Variants in LRP1B observed in about 807,000 individuals in gnomAD.
The protein encoded by LRP1B is low-density lipoprotein receptor-related protein 1B.
LRP1B carries 217 observed loss-of-function variants against 556.6 expected under a neutral mutation model. The ratio of observed to expected loss-of-function variants is 0.39; its 90% CI spans 0.35 to 0.44. LRP1B has a LOEUF of 0.44. Ranked by LOEUF, LRP1B falls within the 20% of genes least tolerant of loss-of-function variation. The pLI is 1.00. For synonymous variants in LRP1B, 2,047 were observed against 1,865.8 expected (o/e 1.10, Z -2.50); for missense variants, 5,053 against 5,620.8 (o/e 0.90, Z 3.23).
intron 3 of LRP1B, among the ~76,000 whole-genome samples, chr2:141,351,477 T>C (rs924661948): frequency 3.3e-5 from 5 of 152,022 alleles, no homozygotes; most frequent in Non-Finnish European, 7.4e-5. Flanking sequence ...ATACAAATAG[T>C]GATAGTATCC....
At chr2:140,901,614 A>AT in intron 23 of LRP1B, among the ~76,000 whole-genome samples, 1 of 152,268 alleles carries the variant, frequency 6.6e-6, no homozygotes, top group Non-Finnish European at 1.5e-5. Context: ...CAATTACATT[A>AT]TTTTTGACTA....
chr2:140,374,348 T>C (rs934517426), intron 68 of LRP1B, among the ~76,000 whole-genome samples: 1 of 152,194 alleles, frequency 6.6e-6, no homozygotes, highest in Non-Finnish European at 1.5e-5. Flanking sequence ...CACGTTGAAC[T>C]ACTACTTGCT....
intron 66 of LRP1B, among the ~76,000 whole-genome samples, chr2:140,408,342 TA>T (rs1558862099): frequency 1.3e-5 from 2 of 151,810 alleles, no homozygotes; most frequent in African/African-American, 4.8e-5. Context: ...AAAACTAATT[TA>T]AAAAAATTAA....
chr2:140,992,914 G>A (rs1697134578), intron 16 of LRP1B, among the ~76,000 whole-genome samples: 1 of 151,924 alleles, frequency 6.6e-6, no homozygotes, highest in African/African-American at 2.4e-5. Context: ...CCTGAATTTG[G>A]AAATCAAGAG....
chr2:141,334,234 A>T (rs1374981622), intron 3 of LRP1B, among the ~76,000 whole-genome samples: 1 of 152,128 alleles, frequency 6.6e-6, no homozygotes, highest in Non-Finnish European at 1.5e-5. Context: ...GCCTGTTGGG[A>T]AGTGACTGGA....
intron 20 of LRP1B, among the ~76,000 whole-genome samples, chr2:140,940,869 T>A (rs1465835432): frequency 6.6e-6 from 1 of 152,204 alleles, no homozygotes; most frequent in African/African-American, 2.4e-5. Context: ...ATGTTTGAAC[T>A]AATTTACATT....
chr2:140,276,925 A>G (rs1358178758), intron 84 of LRP1B, among the ~76,000 whole-genome samples: 3 of 151,906 alleles, frequency 2.0e-5, no homozygotes, highest in Non-Finnish European at 2.9e-5. Context: ...GAACTAGAAA[A>G]TGTAAGAAAT....
At chr2:141,125,852 A>AAC (rs1240646693) in intron 7 of LRP1B, among the ~76,000 whole-genome samples, 2 of 148,024 alleles carry the variant, frequency 1.4e-5, no homozygotes, top group South Asian at 4.2e-4. Flanking sequence ...TGCAAAAAAA[A>AAC]AAAAAAAAAC....
chr2:140,948,715 G>T (rs1035768310), intron 20 of LRP1B, among the ~76,000 whole-genome samples: 12 of 152,168 alleles, frequency 7.9e-5, no homozygotes, highest in Non-Finnish European at 1.8e-4. Flanking sequence ...ATCATGTCAA[G>T]ACCATCAACC....
At chr2:140,278,768 T>C (rs1682794218) in intron 84 of LRP1B, among the ~76,000 whole-genome samples, 1 of 152,012 alleles carries the variant, frequency 6.6e-6, no homozygotes, top group Admixed American at 6.6e-5. Flanking sequence ...CATTTTATGC[T>C]CTGAACCCTT....
At chr2:140,847,001 C>T (rs573276877) in intron 29 of LRP1B, among the ~76,000 whole-genome samples, 106 of 152,286 alleles carry the variant, frequency 7.0e-4, no homozygotes, top group African/African-American at 2.1e-3. Flanking sequence ...GAAATGGAAT[C>T]ATCCTTGACA....
intron 1 of LRP1B, among the ~76,000 whole-genome samples, chr2:142,008,038 A>T (rs549429458): frequency 6.6e-6 from 1 of 152,296 alleles, no homozygotes; most frequent in South Asian, 2.1e-4. Context: ...AGTTAGCCAA[A>T]CCATGGTGCT....
chr2:140,338,268 C>CAGAT (rs1681199280), intron 77 of LRP1B, among the ~76,000 whole-genome samples: 1 of 151,612 alleles, frequency 6.6e-6, no homozygotes, highest in South Asian at 2.1e-4. Flanking sequence ...TCATAAATGA[C>CAGAT]AAGATGATTC....
intron 2 of LRP1B, among the ~76,000 whole-genome samples, chr2:141,651,834 T>A (rs1018657388): frequency 9.8e-5 from 15 of 152,316 alleles, no homozygotes; most frequent in Non-Finnish European, 2.2e-4. Context: ...GATTATATAA[T>A]TTTTCGTAAT....
chr2:141,772,624 T>G (rs891894444), intron 2 of LRP1B, among the ~76,000 whole-genome samples: 40 of 152,154 alleles, frequency 2.6e-4, no homozygotes, highest in African/African-American at 9.4e-4. Flanking sequence ...TCAGAGGGAT[T>G]TTTGTCTTTT....
chr2:140,798,586 G>C (rs1402950648), intron 32 of LRP1B, among the ~76,000 whole-genome samples: 1 of 152,080 alleles, frequency 6.6e-6, no homozygotes, highest in Non-Finnish European at 1.5e-5. Context: ...GTACAGTGCA[G>C]GTTTCTCAAC....
intron 2 of LRP1B, among the ~76,000 whole-genome samples, chr2:141,613,745 G>C (rs1049639792): frequency 6.6e-6 from 1 of 152,068 alleles, no homozygotes; most frequent in Non-Finnish European, 1.5e-5. Flanking sequence ...AAAGTGTTAA[G>C]ATTAAAAGAA....
Position 140,793,189 on chromosome 2 carries a change from T to C in LRP1B, c.5360-16951A>G, listed in dbSNP as rs189936271. ...TAGAATCATAAGTCTACAATAAAAGTTTCTGATATCTTTAAATGTTGGTAT... is the reference window on the plus strand; with the variant it reads ...TAGAATCATAAGTCTACAATAAAAGCTTCTGATATCTTTAAATGTTGGTAT... On this transcript the variant is annotated intron_variant, in intron 32 of 90. Transcript: ENST00000389484. Among the ~76,000 whole-genome samples the C allele has an allele frequency of 2.4e-4, 37 of 152,088 alleles. No homozygotes were observed. In the East Asian group the frequency reaches 7.2e-3, roughly 29 times the overall value.
chr2:140,668,097 C>T (rs935251379), intron 41 of LRP1B, among the ~76,000 whole-genome samples: 4 of 151,816 alleles, frequency 2.6e-5, no homozygotes, highest in East Asian at 1.9e-4. Context: ...TGGATCACGA[C>T]GTCAGGAGAT....
Sources: allele counts gnomAD v4.1 joint callset (sites outside exome capture counted in the v4.1 genomes callset), GRCh38; gene constraint gnomAD v4.1.1; transcripts MANE v1.5; gene names NCBI Gene and HGNC (gene_info 2026-07-23, HGNC 2026-07-21).